The following HGF variants were observed in gnomAD, a reference collection of about 807,000 sequenced individuals.
The protein encoded by HGF is fibroblast-derived tumor cytotoxic factor.
A neutral mutation model predicts 111.6 loss-of-function variants in HGF; 39 were observed. The ratio of observed to expected loss-of-function variants is 0.35; its 90% CI spans 0.27 to 0.46. The LOEUF (loss-of-function observed/expected upper bound fraction) is 0.46, where lower values mean the gene tolerates loss of function less well. HGF is among the 20% of genes least tolerant of loss of function. The probability of loss-of-function intolerance (pLI) is 1.00; values close to 1 mark genes in which losing one functional copy is unlikely to be tolerated. For synonymous variants in HGF, 285 were observed against 294.8 expected (o/e 0.97, Z 0.34); for missense variants, 735 against 910.5 (o/e 0.81, Z 2.48).
chr7:81,706,607 T>C (rs946466823), intron 14 of HGF, among the ~76,000 whole-genome samples, 180 bp from the exon 15 acceptor site: 1 of 152,032 alleles, frequency 6.6e-6, no homozygotes, highest in African/African-American at 2.4e-5. Context: ...CAAACATACA[T>C]AAGCAGAAAG....
chr7:81,756,126 G>T, intron 4 of HGF: 1 of 691,592 alleles, frequency 1.4e-6, no homozygotes, highest in South Asian at 1.5e-5. Flanking sequence ...CCCTGAAGTT[G>T]TTAAAAGCGC....
At chr7:81,736,481 G>A (rs1787829898) in intron 7 of HGF, among the ~76,000 whole-genome samples, 2 of 151,942 alleles carry the variant, frequency 1.3e-5, no homozygotes, top group African/African-American at 4.8e-5. Context: ...CTATTTTATT[G>A]TTGTTGTTAA....
rs3081099 is a variant in HGF, at chr7:81,708,524, C to CTTTTTTTTTTTTTTTT, written c.1542-1176_1542-1161dup. Reference sequence around the variant, plus strand: ...TTGAAAGATTTCTCCTTCCTTCCTTCTTTTTTTTTTTTTTTTTTTTTTTTT... The same window carrying CTTTTTTTTTTTTTTTT: ...TTGAAAGATTTCTCCTTCCTTCCTTCTTTTTTTTTTTTTTTTTTTTTTTTTTTTTTTTTTTTTTTTT... On this transcript the variant is annotated intron_variant, in intron 13 of 17. Transcript: ENST00000222390. Among the ~76,000 whole-genome samples the CTTTTTTTTTTTTTTTT allele has an allele frequency of 9.7e-5, 7 of 72,488 alleles. 2 individuals carry two copies. Among genetic ancestry groups the CTTTTTTTTTTTTTTTT allele is most frequent in the Admixed American group, 7.1e-4 (3 of 4,252 alleles). 47.6% of individuals were successfully genotyped at this position (72,488 alleles called of 152,430 possible).
intron 3 of HGF, 105 bp downstream of exon 3, chr7:81,758,587 T>C: frequency 1.4e-6 from 1 of 735,548 alleles, no homozygotes; most frequent in South Asian, 1.5e-5. Flanking sequence ...ATATCTCATA[T>C]ATAGTAGAAA....
chr7:81,716,364 A>AT (rs1414316649), intron 11 of HGF, among the ~76,000 whole-genome samples: 1 of 152,152 alleles, frequency 6.6e-6, no homozygotes, highest in Non-Finnish European at 1.5e-5. Flanking sequence ...TCCAAGCAGG[A>AT]TTTTGAATTC....
intron 7 of HGF, among the ~76,000 whole-genome samples, chr7:81,734,494 T>C (rs1787761978): frequency 1.3e-5 from 2 of 152,180 alleles, no homozygotes; most frequent in South Asian, 4.1e-4. Flanking sequence ...TGCTGTGATC[T>C]GATTGCTACA....
At chr7:81,755,760 T>C in intron 4 of HGF, 1 of 452,022 alleles carries the variant, frequency 2.2e-6, no homozygotes, top group African/African-American at 2.0e-5. Flanking sequence ...ATTTTTGTTT[T>C]TGTAATATAA....
chr7:81,744,299 C>A (rs1053455355), intron 6 of HGF, among the ~76,000 whole-genome samples: 1 of 81,018 alleles, frequency 1.2e-5, no homozygotes, highest in Non-Finnish European at 2.3e-5. Flanking sequence ...CAAAAGTAGA[C>A]ATGATTTTTT....
In HGF at chr7:81,720,984, G is replaced by A. The variant is rs867022417; in HGVS notation, c.1169-137C>T. The A allele has an allele frequency of 5.4e-5, 34 of 634,536 alleles. No homozygotes were observed. In the Middle Eastern group the frequency reaches 1.3e-3, roughly 25 times the overall value. The allele number at this position is 634,536 out of a possible 1,614,324, so 39.3% of individuals were successfully genotyped here. On this transcript the variant is annotated intron_variant, in intron 9 of 17. Coordinates refer to ENST00000222390, the MANE Select transcript of HGF (RefSeq NM_000601.6). ...GAAAGGGCTGGGTGCGGTGGCTCAC[G>A]CCTGTAATCCCAGCACTTTGGGAGG...
intron 10 of HGF, among the ~76,000 whole-genome samples, chr7:81,719,848 C>T (rs1285072408): frequency 2.6e-5 from 4 of 152,138 alleles, no homozygotes; most frequent in Non-Finnish European, 4.4e-5. Flanking sequence ...GAAGCAAAGT[C>T]ACTCCATCTC....
intron 5 of HGF, among the ~76,000 whole-genome samples, chr7:81,747,859 G>A (rs920397965): frequency 6.6e-6 from 1 of 152,086 alleles, no homozygotes; most frequent in African/African-American, 2.4e-5. Flanking sequence ...CTTGAACCCA[G>A]GAGGTGGAGG....
chr7:81,752,893 C>A (rs1471566685), intron 4 of HGF, among the ~76,000 whole-genome samples: 1 of 152,056 alleles, frequency 6.6e-6, no homozygotes, highest in African/African-American at 2.4e-5. Flanking sequence ...CCTTTAACAT[C>A]TTACACCTTA....
rs149740931 is a variant in HGF, at chr7:81,760,921, T to C, written c.254+1786A>G. 4.0e-3 allele frequency among the ~76,000 whole-genome samples: 606 copies of C among 152,250 alleles called. 6 individuals are homozygous for C. Among genetic ancestry groups the C allele is most frequent in the African/African-American group, 0.013 (548 of 41,528 alleles). The stretch of plus-strand genomic sequence containing the variant: ...TTTATTAATGTCTTCTCCAGTAAAA[T>C]CATTTTAGTTCCTAGTAAATAGAAC... On this transcript the variant is annotated intron_variant, in intron 2 of 17. Transcript: ENST00000222390.
chr7:81,729,703 C>G lies in HGF; in HGVS notation c.942G>C (p.Arg314Ser). The stretch of plus-strand genomic sequence containing the variant: ...CATTCCAAATGGTATTGACAGTGCC[C>G]CTGTAGCCTTCTCCTTGACCTTGGA... ...ECIQGQGEGYRGTVNTIWNGI... is the reference protein window; with the variant it reads ...ECIQGQGEGYSGTVNTIWNGI... The change falls in exon 8 of 18, where the codon AGG becomes AGC. Residue 314 changes from arginine (R) to serine (S), a missense_variant. By Grantham distance (110) the Arg-to-Ser change is moderately radical. Around this residue, in one of 3 missense-constraint regions of HGF, gnomAD observed 553 missense variants for 685.6 expected, o/e 0.81. Transcript: ENST00000222390. The G allele has an allele frequency of 3.7e-6, 6 of 1,613,654 alleles. No individual in the cohort carries two copies. Among genetic ancestry groups the G allele is most frequent in the Non-Finnish European group, 5.1e-6 (6 of 1,179,666 alleles).
At chr7:81,734,734 A>G (rs569143390) in intron 7 of HGF, among the ~76,000 whole-genome samples, 1 of 152,216 alleles carries the variant, frequency 6.6e-6, no homozygotes, top group South Asian at 2.1e-4. Context: ...GGAGAGGAGG[A>G]GTGCATAGTA....
chr7:81,741,930 C>A (rs2116005899), intron 7 of HGF, among the ~76,000 whole-genome samples: 1 of 104,032 alleles, frequency 9.6e-6, no homozygotes. Context: ...AAGAGTGAAA[C>A]TCCATCTCAA....
intron 10 of HGF, among the ~76,000 whole-genome samples, chr7:81,719,859 T>C (rs1049265667): frequency 6.6e-5 from 10 of 152,178 alleles, no homozygotes; most frequent in Non-Finnish European, 1.5e-4. Context: ...ACTCCATCTC[T>C]CTGAGCCCTT....
At chr7:81,754,209 T>C (rs1035386025) in intron 4 of HGF, among the ~76,000 whole-genome samples, 27 of 152,046 alleles carry the variant, frequency 1.8e-4, no homozygotes, top group African/African-American at 6.3e-4. Flanking sequence ...CCCTGGGTTT[T>C]AATCTCTTCA....
chr7:81,715,346 T>C (rs1356385217), intron 11 of HGF, among the ~76,000 whole-genome samples: 1 of 151,998 alleles, frequency 6.6e-6, no homozygotes, highest in Non-Finnish European at 1.5e-5. Context: ...AATAATAATC[T>C]TTTAATAATT....
Sources: allele counts gnomAD v4.1 joint callset (sites outside exome capture counted in the v4.1 genomes callset), GRCh38; gene constraint gnomAD v4.1.1; regional missense constraint gnomAD v4.1.1; transcripts MANE v1.5; gene names NCBI Gene and HGNC (gene_info 2026-07-23, HGNC 2026-07-21).